The following TENM3 variants were observed in gnomAD, a reference collection of about 807,000 sequenced individuals.
TENM3 encodes teneurin transmembrane protein 3.
TENM3 carries 63 observed loss-of-function variants against 255.1 expected under a neutral mutation model. The observed-to-expected ratio is 0.25, with a 90% CI of 0.20 to 0.30. TENM3 has a LOEUF of 0.30. Ranked by LOEUF, TENM3 falls within the 10% of genes least tolerant of loss-of-function variation. The pLI is 1.00. For synonymous variants in TENM3, 1,306 were observed against 1,322.3 expected, an observed-to-expected ratio of 0.99 and a Z score of 0.27; for missense variants, 2,929 against 3,461.1, an observed-to-expected ratio of 0.85 and a Z score of 3.86.
At chr4:182,576,553 A>G (rs1035101211) in intron 3 of TENM3, among the ~76,000 whole-genome samples, 9 of 152,196 alleles carry the variant, frequency 5.9e-5, no homozygotes, top group Admixed American at 5.9e-4. Flanking sequence ...GATGAAAGAT[A>G]CTTCTTAAAT....
the TENM3 span, among the ~76,000 whole-genome samples, chr4:182,129,604 G>A: frequency 6.6e-6 from 1 of 151,986 alleles, no homozygotes; most frequent in African/African-American, 2.4e-5. Context: ...ATTAGGAAAG[G>A]ATAATCAAAG....
At chr4:181,797,988 TC>T in the TENM3 span, among the ~76,000 whole-genome samples, 34 of 152,234 alleles carry the variant, frequency 2.2e-4, no homozygotes, top group Non-Finnish European at 4.3e-4. Flanking sequence ...TCTGCATTTT[TC>T]AGCAGTTCTC....
chr4:181,624,969 G>A, the TENM3 span, among the ~76,000 whole-genome samples: 1 of 152,128 alleles, frequency 6.6e-6, no homozygotes, highest in South Asian at 2.1e-4. Flanking sequence ...ACTTTATACA[G>A]TAATCTCAGA....
intron 3 of TENM3, among the ~76,000 whole-genome samples, chr4:182,516,169 AG>A (rs1737921339): frequency 6.6e-6 from 1 of 152,252 alleles, no homozygotes; most frequent in Admixed American, 6.5e-5. Flanking sequence ...GTGAGTGAGT[AG>A]AAATAGCACT....
intron 3 of TENM3, among the ~76,000 whole-genome samples, chr4:182,421,849 C>A (rs1347460425): frequency 6.6e-5 from 10 of 152,140 alleles, no homozygotes; most frequent in Admixed American, 5.2e-4. Flanking sequence ...CAACCATGAC[C>A]TCAGGGGCTG....
intron 18 of TENM3, among the ~76,000 whole-genome samples, chr4:182,742,061 C>T (rs975532992): frequency 1.1e-4 from 17 of 152,072 alleles, no homozygotes; most frequent in Non-Finnish European, 1.9e-4. Context: ...GAATATATGC[C>T]GCTCTAAAGT....
At chr4:181,668,643 CACTCTACTCTAGAATG>C in the TENM3 span, among the ~76,000 whole-genome samples, 1 of 152,098 alleles carries the variant, frequency 6.6e-6, no homozygotes, top group Admixed American at 6.6e-5. Context: ...ACTAGGGACC[CACTCTACTCTAGAATG>C]ACCTCATCTC....
At chr4:181,888,971 A>T in the TENM3 span, among the ~76,000 whole-genome samples, 1 of 151,932 alleles carries the variant, frequency 6.6e-6, no homozygotes, top group African/African-American at 2.4e-5. Flanking sequence ...TTCACGATTC[A>T]AATGTTGATC....
At chr4:181,563,590 G>A in the TENM3 span, among the ~76,000 whole-genome samples, 12 of 152,054 alleles carry the variant, frequency 7.9e-5, no homozygotes, top group Middle Eastern at 3.2e-3. Context: ...AAAGGATGTG[G>A]GACTTTGGAA....
chr4:182,625,402 C>T (rs568586491), intron 4 of TENM3, among the ~76,000 whole-genome samples: 3 of 152,000 alleles, frequency 2.0e-5, no homozygotes, highest in Admixed American at 6.5e-5. Context: ...TTGTGAACTG[C>T]GCATGTGAGG....
At chr4:182,026,777 T>TG in the TENM3 span, among the ~76,000 whole-genome samples, 1 of 152,134 alleles carries the variant, frequency 6.6e-6, no homozygotes, top group Non-Finnish European at 1.5e-5. Flanking sequence ...TGGAGGTGTG[T>TG]GGATTTGTTT....
chr4:181,805,787 T>C, the TENM3 span, among the ~76,000 whole-genome samples: 1 of 152,152 alleles, frequency 6.6e-6, no homozygotes, highest in African/African-American at 2.4e-5. Flanking sequence ...GAAATTTCCA[T>C]ATTTAAACTT....
At chr4:182,659,081 A>C (rs2152525673) in intron 6 of TENM3, among the ~76,000 whole-genome samples, 1 of 152,326 alleles carries the variant, frequency 6.6e-6, no homozygotes, top group Non-Finnish European at 1.5e-5. Context: ...GAGGGGAATT[A>C]AACTCCTCCT....
At chr4:181,597,091 T>G in the TENM3 span, among the ~76,000 whole-genome samples, 1 of 152,224 alleles carries the variant, frequency 6.6e-6, no homozygotes, top group Non-Finnish European at 1.5e-5. Flanking sequence ...AAAAACCTTT[T>G]GTACAGTTGT....
At chr4:181,966,125 G>A in the TENM3 span, among the ~76,000 whole-genome samples, 1 of 152,132 alleles carries the variant, frequency 6.6e-6, no homozygotes, top group Non-Finnish European at 1.5e-5. Context: ...AACAACAAAG[G>A]CTGTGGTTAT....
the TENM3 span, among the ~76,000 whole-genome samples, chr4:181,706,673 C>G: frequency 6.6e-6 from 1 of 152,176 alleles, no homozygotes; most frequent in Non-Finnish European, 1.5e-5. Context: ...GCGAAGGAAG[C>G]TGGTTCCGCA....
chr4:181,764,403 G>C, the TENM3 span, among the ~76,000 whole-genome samples: 65 of 152,212 alleles, frequency 4.3e-4, no homozygotes, highest in African/African-American at 1.5e-3. Context: ...ATGGAATTTT[G>C]TAAGCAATAG....
the TENM3 span, among the ~76,000 whole-genome samples, chr4:181,664,589 C>G: frequency 6.8e-4 from 104 of 152,278 alleles, 1 homozygote; most frequent in Middle Eastern, 0.014. Context: ...TATTAGCTGC[C>G]ACTGTGCACC....
intron 3 of TENM3, among the ~76,000 whole-genome samples, chr4:182,518,704 G>A (rs576010189): frequency 6.6e-6 from 1 of 152,104 alleles, no homozygotes; most frequent in African/African-American, 2.4e-5. Flanking sequence ...TTTCAACCTG[G>A]TAAGATCCTG....
Sources: allele counts gnomAD v4.1 joint callset (sites outside exome capture counted in the v4.1 genomes callset), GRCh38; gene constraint gnomAD v4.1.1; transcripts MANE v1.5; gene names NCBI Gene and HGNC (gene_info 2026-07-23, HGNC 2026-07-21).